Variants in LTBP1 observed in about 807,000 individuals in gnomAD.
LTBP1 encodes latent transforming growth factor beta binding protein 1, also known as latent-transforming growth factor beta-binding protein 1.
A neutral mutation model predicts 207.6 loss-of-function variants in LTBP1; 129 were observed. The observed-to-expected ratio is 0.62, with a 90% CI of 0.54 to 0.72. The LOEUF (loss-of-function observed/expected upper bound fraction) is 0.72. Ranked by LOEUF, LTBP1 falls within the 30% of genes least tolerant of loss-of-function variation. The probability of loss-of-function intolerance (pLI) is 0.00; values close to 1 mark genes in which losing one functional copy is unlikely to be tolerated. For missense variants in LTBP1, 2,281 were observed against 2,217.2 expected, an observed-to-expected ratio of 1.03 and a Z score of -0.58; for synonymous variants, 963 against 833.7, an observed-to-expected ratio of 1.16 and a Z score of -2.67.
intron 2 of LTBP1, among the ~76,000 whole-genome samples, chr2:33,018,241 A>G (rs1397471181): frequency 6.6e-6 from 1 of 150,986 alleles, no homozygotes; most frequent in African/African-American, 2.4e-5. Flanking sequence ...AATGCTAACC[A>G]TCCATGTCTT....
intron 15 of LTBP1, among the ~76,000 whole-genome samples, chr2:33,267,810 A>G (rs953427914): frequency 1.3e-5 from 2 of 152,234 alleles, no homozygotes; most frequent in African/African-American, 4.8e-5. Flanking sequence ...TAGCTGTGTG[A>G]AGGGTAACAA....
At chr2:33,208,865 ATTTTTTTT>A (rs3053310) in intron 7 of LTBP1, among the ~76,000 whole-genome samples, 1 of 112,988 alleles carries the variant, frequency 8.9e-6, no homozygotes, top group African/African-American at 3.4e-5. Context: ...TCTTGCTACT[ATTTTTTTT>A]TTTTTTTTTT....
At chr2:33,278,833 T>C (rs1035909409) in intron 18 of LTBP1, among the ~76,000 whole-genome samples, 1 of 152,162 alleles carries the variant, frequency 6.6e-6, no homozygotes, top group Non-Finnish European at 1.5e-5. Flanking sequence ...AAAAAACCAC[T>C]ATGTATCATT....
intron 4 of LTBP1, among the ~76,000 whole-genome samples, chr2:33,111,363 C>T (rs1036092851): frequency 2.6e-5 from 4 of 152,106 alleles, no homozygotes; most frequent in African/African-American, 7.2e-5. Flanking sequence ...GAGTGTCTGC[C>T]GGCAGCATCT....
chr2:33,290,120 C>T (rs1181223003), intron 19 of LTBP1, among the ~76,000 whole-genome samples: 1 of 152,194 alleles, frequency 6.6e-6, no homozygotes, highest in Non-Finnish European at 1.5e-5. Flanking sequence ...GAGAGCAAAA[C>T]ACAGAGGCAA....
chr2:33,002,967 C>T lies in LTBP1; in HGVS notation c.566-17942C>T, dbSNP rs569668903. On this transcript the variant is annotated intron_variant, in intron 2 of 33. Transcript: ENST00000404816. ...TGCTGGGATTACAGGCGTAAGCGAC[C>T]GTGCCTGGCCTAGGCTGACCACTTT... is the stretch of plus-strand genomic sequence containing the variant. Among the ~76,000 whole-genome samples the T allele has an allele frequency of 5.3e-5, 8 of 152,278 alleles. No homozygotes were observed. In the South Asian group the frequency reaches 1.5e-3, roughly 28 times the overall value.
intron 3 of LTBP1, among the ~76,000 whole-genome samples, chr2:33,080,133 T>C (rs1338248778): frequency 1.3e-5 from 2 of 152,156 alleles, no homozygotes; most frequent in African/African-American, 4.8e-5. Context: ...TTCAAGTGAT[T>C]CTGCTGCCTC....
At chr2:33,260,968 T>C (rs1241587139) in intron 13 of LTBP1, among the ~76,000 whole-genome samples, 2 of 152,214 alleles carry the variant, frequency 1.3e-5, no homozygotes, top group Non-Finnish European at 2.9e-5. Context: ...AATGCAATCA[T>C]AGCCTTTGTT....
chr2:32,985,932 A>G (rs1010326407), intron 2 of LTBP1, among the ~76,000 whole-genome samples: 2 of 151,880 alleles, frequency 1.3e-5, no homozygotes, highest in South Asian at 2.1e-4. Flanking sequence ...TCTCACACCT[A>G]TAAGCTTCTC....
chr2:33,000,120 A>C (rs779848099), intron 2 of LTBP1, among the ~76,000 whole-genome samples: 1 of 135,176 alleles, frequency 7.4e-6, no homozygotes, highest in Non-Finnish European at 1.6e-5. Flanking sequence ...GCTCTGAGAC[A>C]AACACTACTC....
rs568840581 is a variant in LTBP1 at position 33,345,957 on chromosome 2, A to G, written c.3857-1410A>G. On this transcript the variant is annotated intron_variant, in intron 25 of 33. Transcript: ENST00000404816. Reference sequence around the variant, plus strand: ...GAAAGAGGGTAAAAAGCACTATGGGACAACATCAAACATAAAATTAGCCTT... The same window carrying G: ...GAAAGAGGGTAAAAAGCACTATGGGGCAACATCAAACATAAAATTAGCCTT... Among the ~76,000 whole-genome samples the G allele has an allele frequency of 2.8e-3, 425 of 152,364 alleles. 1 individual carries two copies. Among genetic ancestry groups the G allele is most frequent in the African/African-American group, 9.7e-3 (403 of 41,582 alleles).
intron 19 of LTBP1, 46 bp from the exon 20 acceptor site, chr2:33,293,114 C>G (rs753817795): frequency 1.3e-6 from 2 of 1,587,324 alleles, no homozygotes; most frequent in Admixed American, 1.8e-5. Flanking sequence ...TCCATGTTTT[C>G]TTTTTCTTCT....
At chr2:33,083,323 C>T (rs577792315) in intron 3 of LTBP1, among the ~76,000 whole-genome samples, 13 of 151,644 alleles carry the variant, frequency 8.6e-5, no homozygotes, top group Non-Finnish European at 1.6e-4. Context: ...GGGGAATGTA[C>T]CAGAAAGAAA....
chr2:33,039,506 A>G (rs1238481127), intron 3 of LTBP1, among the ~76,000 whole-genome samples: 3 of 152,198 alleles, frequency 2.0e-5, no homozygotes, highest in South Asian at 2.1e-4. Context: ...CATCCCTTGC[A>G]GTGGCCACCT....
chr2:33,306,123 A>C (rs930403515), intron 22 of LTBP1, among the ~76,000 whole-genome samples: 4 of 151,822 alleles, frequency 2.6e-5, no homozygotes, highest in Admixed American at 6.6e-5. Flanking sequence ...AAGGCCTTGC[A>C]AAAAAAAATT....
chr2:33,321,637 A>G (rs2094356098), intron 24 of LTBP1, among the ~76,000 whole-genome samples: 1 of 152,216 alleles, frequency 6.6e-6, no homozygotes. Flanking sequence ...ATCTGTCACC[A>G]AATAGAAAAT....
intron 2 of LTBP1, among the ~76,000 whole-genome samples, chr2:32,991,208 G>T (rs919323729): frequency 1.5e-4 from 23 of 152,024 alleles, no homozygotes; most frequent in African/African-American, 5.6e-4. Flanking sequence ...ATAAATATTT[G>T]CCCGCATTAA....
intron 2 of LTBP1, among the ~76,000 whole-genome samples, chr2:33,020,500 G>A (rs1467743531): frequency 1.3e-5 from 2 of 152,162 alleles, no homozygotes; most frequent in Non-Finnish European, 2.9e-5. Context: ...GCATTTCTGG[G>A]AGGCAGATGC....
intron 2 of LTBP1, among the ~76,000 whole-genome samples, chr2:32,978,247 A>C (rs1213697253): frequency 1.3e-5 from 2 of 152,196 alleles, no homozygotes; most frequent in African/African-American, 2.4e-5. Context: ...AACTCCCAGT[A>C]CTATGTTAAA....
Sources: gnomAD v4.1 joint callset for allele counts (sites outside exome capture counted in the v4.1 genomes callset) on GRCh38, gnomAD v4.1.1 for gene constraint, MANE v1.5 for transcripts, NCBI Gene and HGNC (gene_info 2026-07-23, HGNC 2026-07-21) for gene names.